Variants in ZNF337 observed in about 807,000 individuals in gnomAD.
The protein encoded by ZNF337 is zinc finger protein 337.
ZNF337 carries 8 observed loss-of-function variants against 12.1 expected under a neutral mutation model. The ratio of observed to expected loss-of-function variants is 0.66; its 90% CI spans 0.39 to 1.19. The LOEUF (loss-of-function observed/expected upper bound fraction) is 1.19. Among genes scored for constraint, ZNF337 ranks in the 50% most tolerant of loss-of-function variants. ZNF337 has a pLI of 0.01. For missense variants in ZNF337, 882 were observed against 896.6 expected (o/e 0.98, Z 0.21); for synonymous variants, 336 against 320.0 (o/e 1.05, Z -0.53).
chr20:25,696,270 A>C (rs997649217), intron 1 of ZNF337, among the ~76,000 whole-genome samples: 14 of 152,114 alleles, frequency 9.2e-5, no homozygotes, highest in Middle Eastern at 3.4e-3. Context: ...TAAAGTCTGG[A>C]GCATCAGAGT....
intron 4 of ZNF337, 100 bp downstream of exon 4, chr20:25,685,467 G>C (rs1220768248): frequency 2.1e-6 from 2 of 942,756 alleles, no homozygotes; most frequent in Non-Finnish European, 3.3e-6. Context: ...AGCAGCCAAG[G>C]AGGCCAGAAC....
Position 25,676,996 on chromosome 20 carries a change from G to C in ZNF337, c.292C>G (p.Leu98Val), listed in dbSNP as rs754034999. 5 of 1,613,602 alleles carry C rather than the reference G, an allele frequency of 3.1e-6. No individual in the cohort carries two copies. The highest frequency in any genetic ancestry group is 4.2e-6 in the Non-Finnish European group (5 of 1,179,858). ...EHVLRPKNLG[L>V]AHQRQQQLQF... ...AGTTGCTGTTGCCTCTGATGTGCAA[G>C]TCCAAGATTCTTGGGCCGCAGGACA... The change falls in exon 5 of 5, where the codon CTT (leucine) becomes GTT (valine). Residue 98 changes from leucine to valine, a missense_variant. Transcript: ENST00000252979.
At position 25,676,586 on chromosome 20, in the gene ZNF337, C is replaced by A; in HGVS notation, c.702G>T (p.Lys234Asn). The A allele has an allele frequency of 6.2e-7, 1 of 1,614,172 alleles. No homozygotes were observed. Among genetic ancestry groups the A allele is most frequent in the Non-Finnish European group, 8.5e-7 (1 of 1,180,002 alleles). The change falls in exon 5 of 5, where the codon AAG becomes AAT. Residue 234 changes from lysine (K) to asparagine (N), a missense_variant. Physicochemically the swap from Lys to Asn is moderately conservative, Grantham distance 94. Transcript: ENST00000252979. ...GCCCACACACACTGCACACATAGGA[C>A]TTCTCTCCTGTGTGTGTGTTCTGGT... is the stretch of plus-strand genomic sequence containing the variant. ...LLHQNTHTGE[K>N]SYVCSVCGRG...
At chr20:25,684,365 T>A (rs2065802378) in intron 4 of ZNF337, among the ~76,000 whole-genome samples, 1 of 151,204 alleles carries the variant, frequency 6.6e-6, no homozygotes, top group Admixed American at 6.6e-5. Context: ...ATAATACAAA[T>A]AAATAAAAAA....
At chr20:25,688,404 T>C (rs997760278) in intron 1 of ZNF337, among the ~76,000 whole-genome samples, 6 of 152,252 alleles carry the variant, frequency 3.9e-5, no homozygotes, top group Non-Finnish European at 8.8e-5. Flanking sequence ...TCAACGTTTA[T>C]GCCTTTTATT....
Position 25,676,691 on chromosome 20 carries a change from T to G in ZNF337, c.597A>C (p.Lys199Asn), listed in dbSNP as rs1309358096. ...FSRKMMVIIH[K>N]KAHSRQKLFT... ...AAAGTTTCTGCCTGGAATGTGCTTT[T>G]TTGTGTATGATTACCATCATCTTCC... The change falls in exon 5 of 5, where the codon AAA becomes AAC. Residue 199 changes from lysine (K) to asparagine (N), a missense_variant. Physicochemically the swap from Lys to Asn is moderately conservative, Grantham distance 94. Transcript: ENST00000252979. The G allele has an allele frequency of 6.2e-7, 1 of 1,614,224 alleles. No homozygotes were observed.
chr20:25,676,850 C>T lies in ZNF337; in HGVS notation c.438G>A (p.Arg146=), dbSNP rs1392785264. The change falls in exon 5 of 5, where the codon AGG becomes AGA. Residue 146 remains arginine (R), a synonymous_variant. Transcript: ENST00000252979. ...PLRHAVSSRR[R]NSVVEIESSQ... is the part of the protein sequence containing the mutation. ...TAGACTCTATTTCCACTACACTGTT[C>T]CTCCTCCTTGAGCTTACTGCATGTC... 22 of 1,614,024 alleles carry T rather than the reference C, an allele frequency of 1.4e-5. No individual in the cohort carries two copies. Among genetic ancestry groups the T allele is most frequent in the Non-Finnish European group, 1.7e-5 (20 of 1,180,018 alleles).
Position 25,675,871 on chromosome 20 carries a change from A to C in ZNF337, c.1417T>G (p.Ser473Ala). 1.2e-6 allele frequency: 2 copies of C among 1,614,076 alleles called. No homozygotes were observed. The highest frequency in any genetic ancestry group is 1.7e-6 in the Non-Finnish European group (2 of 1,180,014). ...KDCGRGFIQKSTFTLHQRTHS... is the reference protein window; with the variant it reads ...KDCGRGFIQKATFTLHQRTHS... ...GTCCTCTGGTGTAAAGTGAAGGTTG[A>C]CTTTTGGATAAAGCCTCGTCCACAG... The change falls in exon 5 of 5, where the codon TCA becomes GCA. Residue 473 changes from serine to alanine, a missense_variant. By Grantham distance (99) the Ser-to-Ala change is moderately conservative (BLOSUM62 1). Coordinates refer to ENST00000252979, the MANE Select transcript of ZNF337 (RefSeq NM_015655.4).
At chr20:25,689,145 A>AG (rs1393108818) in intron 1 of ZNF337, among the ~76,000 whole-genome samples, 1 of 151,380 alleles carries the variant, frequency 6.6e-6, no homozygotes. Flanking sequence ...AAAAAAAAAA[A>AG]AAAAAAAAAT....
chr20:25,675,848 C>T lies in ZNF337; in HGVS notation c.1440G>A (p.Arg480=), dbSNP rs1333177097. ...IQKSTFTLHQ[R]THSEEKPYGC... ...CATAAGGCTTCTCCTCTGAGTGTGT[C>T]CTCTGGTGTAAAGTGAAGGTTGACT... The change falls in exon 5 of 5, where the codon AGG becomes AGA. Residue 480 remains arginine (R), a synonymous_variant. Transcript: ENST00000252979. 9 of 1,613,972 alleles carry T rather than the reference C, an allele frequency of 5.6e-6. No individual in the cohort carries two copies. Among genetic ancestry groups the T allele is most frequent in the South Asian group, 1.1e-5 (1 of 91,076 alleles).
intron 3 of ZNF337, 42 bp downstream of exon 3, chr20:25,685,943 AACATCAGAGGC>A (rs1273764948): frequency 6.4e-7 from 1 of 1,573,578 alleles, no homozygotes; most frequent in African/African-American, 1.4e-5. Flanking sequence ...ACCCTATGGC[AACATCAGAGGC>A]ACCACAGGCC....
Position 25,674,955 on chromosome 20 carries a change from G to A in ZNF337, c.*77C>T. Reference sequence around the variant, plus strand: ...TGTTATATCTTCACGAACAAGTTATGCAGCCTCAACTAAAGCTTGTAACAA... The same window carrying A: ...TGTTATATCTTCACGAACAAGTTATACAGCCTCAACTAAAGCTTGTAACAA... On this transcript the variant is annotated 3_prime_UTR_variant, in exon 5 of 5. Coordinates refer to ENST00000252979, the MANE Select transcript of ZNF337 (RefSeq NM_015655.4). 1 of 1,347,696 alleles carries A rather than the reference G, an allele frequency of 7.4e-7. No individual in the cohort carries two copies. Among genetic ancestry groups the A allele is most frequent in the East Asian group, 2.3e-5 (1 of 43,408 alleles). The allele number at this position is 1,347,696 out of a possible 1,614,324, so 83.5% of individuals were successfully genotyped here. A position where few individuals can be genotyped will look rare whatever the true frequency, so the allele number is the denominator to read the frequency against.
At chr20:25,679,439 A>G (rs545981829) in intron 4 of ZNF337, among the ~76,000 whole-genome samples, 1 of 152,336 alleles carries the variant, frequency 6.6e-6, no homozygotes, top group African/African-American at 2.4e-5. Flanking sequence ...ACAAGGGACT[A>G]ATATACAGAA....
rs1428990297 is a variant in ZNF337, at chr20:25,688,910, C to T, written c.-49-2444G>A. ...TTGGGAGGCTGAGGCGGGCCTCCTC[C>T]TCGTGGTCAGGAGATTGAGACCGTC... On this transcript the variant is annotated intron_variant, in intron 1 of 4. Coordinates refer to ENST00000252979, the MANE Select transcript of ZNF337 (RefSeq NM_015655.4). 4.6e-5 allele frequency among the ~76,000 whole-genome samples: 7 copies of T among 152,238 alleles called. 1 individual carries two copies. In the East Asian group the frequency reaches 1.4e-3, roughly 29 times the overall value.
chr20:25,681,525 C>G (rs546393376), intron 4 of ZNF337, among the ~76,000 whole-genome samples: 1 of 152,142 alleles, frequency 6.6e-6, no homozygotes, highest in East Asian at 1.9e-4. Flanking sequence ...AAAAATCAAC[C>G]TGCTAATTTT....
In ZNF337 at chr20:25,675,684, T is replaced by C. The variant is rs2065673648; in HGVS notation, c.1604A>G (p.Gln535Arg). Residue 535 changes from glutamine to arginine, a missense_variant, in exon 5 of 5, where the codon CAG (glutamine) becomes CGG (arginine). By Grantham distance (43) the Gln-to-Arg change is conservative (BLOSUM62 1). Transcript: ENST00000252979. ...FTLKPNLTIH[Q>R]RTHSGEKPFM... ...GGGCTTCTCTCCTGAGTGTGTCCTC[T>C]GATGTATGGTGAGATTTGGCTTCAA... 6.2e-7 allele frequency: 1 copy of C among 1,614,084 alleles called. No individual in the cohort carries two copies.
chr20:25,689,059 C>A (rs1365573571), intron 1 of ZNF337, among the ~76,000 whole-genome samples: 7 of 151,716 alleles, frequency 4.6e-5, no homozygotes, highest in African/African-American at 1.7e-4. Context: ...ATGGCGTGAA[C>A]CCGGGAGGCA....
In ZNF337 at chr20:25,686,161, G is replaced by A. The variant is rs144121105; in HGVS notation, c.28-39C>T. The A allele has an allele frequency of 2.5e-5, 40 of 1,611,936 alleles. No homozygotes were observed. In the African/African-American group the frequency reaches 3.5e-4, roughly 14 times the overall value. On this transcript the variant is annotated intron_variant, in intron 2 of 4. Transcript: ENST00000252979. ...CCCAGGCATGCTCACCAGGGACAGT[G>A]TTGCACTCACGCAGTTGGAGGATTC... is the stretch of plus-strand genomic sequence containing the variant.
At chr20:25,695,446 A>G (rs2065913904) in intron 1 of ZNF337, among the ~76,000 whole-genome samples, 1 of 152,236 alleles carries the variant, frequency 6.6e-6, no homozygotes, top group African/African-American at 2.4e-5. Flanking sequence ...AAGTCTCTCA[A>G]CCAACTGTCC....
Sources: allele counts gnomAD v4.1 joint callset (sites outside exome capture counted in the v4.1 genomes callset), GRCh38; gene constraint gnomAD v4.1.1; transcripts MANE v1.5; gene names NCBI Gene and HGNC (gene_info 2026-07-23, HGNC 2026-07-21).